SREK1IP1: variants seen among roughly 807,000 people sequenced by gnomAD.
SREK1IP1 encodes the protein protein SREK1IP1.
Under a neutral mutation model 22.8 loss-of-function variants are expected in SREK1IP1, and 12 were observed. The ratio of observed to expected loss-of-function variants is 0.53; its 90% CI spans 0.34 to 0.85. SREK1IP1 has a LOEUF of 0.85. Among genes scored for constraint, SREK1IP1 ranks in the 40% least tolerant of loss-of-function variants. The pLI is 0.02. For missense variants in SREK1IP1, 147 were observed against 171.8 expected (o/e 0.86, Z 0.81); for synonymous variants, 53 against 52.7 (o/e 1.01, Z -0.02).
At chr5:64,744,698 AT>A (rs1295103226) in intron 2 of SREK1IP1, among the ~76,000 whole-genome samples, 2 of 152,118 alleles carry the variant, frequency 1.3e-5, no homozygotes, top group Non-Finnish European at 2.9e-5. Flanking sequence ...GTGTAGTTTT[AT>A]TAATCACAAC....
intron 1 of SREK1IP1, among the ~76,000 whole-genome samples, chr5:64,759,585 G>A (rs1742909713): frequency 6.6e-6 from 1 of 152,132 alleles, no homozygotes; most frequent in Non-Finnish European, 1.5e-5. Flanking sequence ...GTGGAAACTT[G>A]AGGAAAAAAT....
rs756687816 is a variant in SREK1IP1 at position 64,719,284 on chromosome 5, C to T, written c.*5100G>A. The T allele has an allele frequency of 1.1e-4, 17 of 152,166 alleles. No individual in the cohort carries two copies. Among genetic ancestry groups the T allele is most frequent in the Non-Finnish European group, 4.4e-5 (3 of 68,020 alleles). 9.4% of individuals were successfully genotyped at this position (152,166 alleles called of 1,614,324 possible). On this transcript the variant is annotated 3_prime_UTR_variant, in exon 5 of 5. Coordinates refer to ENST00000513458, the MANE Select transcript of SREK1IP1 (RefSeq NM_173829.4). ...AGTGCCAGATCACTATTGCAACAAC[C>T]TACTGCCAAAGTTGAACTTCACATT...
intron 1 of SREK1IP1, among the ~76,000 whole-genome samples, chr5:64,767,839 T>C (rs766492111): frequency 1.3e-5 from 2 of 152,232 alleles, no homozygotes; most frequent in African/African-American, 2.4e-5. Flanking sequence ...TTTCCGCTAC[T>C]AGAACTTCCA....
intron 3 of SREK1IP1, among the ~76,000 whole-genome samples, chr5:64,729,535 GA>G (rs1424222419): frequency 2.6e-5 from 4 of 152,174 alleles, no homozygotes; most frequent in Admixed American, 1.3e-4. Context: ...AGGTAAGCAG[GA>G]ACTTGCTTAT....
intron 3 of SREK1IP1, among the ~76,000 whole-genome samples, chr5:64,740,847 G>T (rs1280935562): frequency 2.6e-5 from 4 of 152,096 alleles, no homozygotes; most frequent in Non-Finnish European, 2.9e-5. Context: ...AACATAAGCT[G>T]TGTGTCAGAA....
At chr5:64,747,244 T>G (rs1311911741) in intron 2 of SREK1IP1, among the ~76,000 whole-genome samples, 1 of 152,166 alleles carries the variant, frequency 6.6e-6, no homozygotes, top group Non-Finnish European at 1.5e-5. Flanking sequence ...CTCCTCATCC[T>G]TCTCCCCTTT....
rs1243211737 is a variant in SREK1IP1, at chr5:64,718,542, T to A, written c.*5842A>T. 1 of 152,098 alleles carries A rather than the reference T, an allele frequency of 6.6e-6. No homozygotes were observed. Among genetic ancestry groups the A allele is most frequent in the Non-Finnish European group, 1.5e-5 (1 of 67,986 alleles). The allele number at this position is 152,098 out of a possible 1,614,324, so 9.4% of individuals were successfully genotyped here. On this transcript the variant is annotated 3_prime_UTR_variant, in exon 5 of 5. Transcript: ENST00000513458. ...GTAACAAAAAAATCACAATGTATAA[T>A]CTGTACAATAAATATTTTGTTTCAA...
chr5:64,755,853 A>G (rs931528731), intron 1 of SREK1IP1, among the ~76,000 whole-genome samples: 2 of 151,952 alleles, frequency 1.3e-5, no homozygotes, highest in African/African-American at 2.4e-5. Flanking sequence ...GTATATATAT[A>G]CACACACATA....
chr5:64,725,727 T>A (rs1157856889), intron 4 of SREK1IP1, among the ~76,000 whole-genome samples: 1 of 152,162 alleles, frequency 6.6e-6, no homozygotes, highest in Non-Finnish European at 1.5e-5. Context: ...TCAGTTGTTA[T>A]TCTCAAATCT....
intron 1 of SREK1IP1, among the ~76,000 whole-genome samples, chr5:64,765,969 T>C (rs371259991): frequency 6.6e-6 from 1 of 152,234 alleles, no homozygotes; most frequent in Admixed American, 6.5e-5. Context: ...TAAAGATCAC[T>C]AGAGCTGACT....
chr5:64,755,219 CAAA>C (rs138859399), intron 1 of SREK1IP1, among the ~76,000 whole-genome samples: 1 of 142,852 alleles, frequency 7.0e-6, no homozygotes, highest in African/African-American at 2.5e-5. Flanking sequence ...GGTATATATC[CAAA>C]AAAAAAAAAA....
intron 1 of SREK1IP1, among the ~76,000 whole-genome samples, chr5:64,759,151 G>C (rs1240385051): frequency 6.6e-6 from 1 of 152,208 alleles, no homozygotes; most frequent in Non-Finnish European, 1.5e-5. Flanking sequence ...TTGGATATGG[G>C]TTCCCTGGGT....
chr5:64,761,676 C>T (rs965652331), intron 1 of SREK1IP1, among the ~76,000 whole-genome samples: 2 of 152,150 alleles, frequency 1.3e-5, no homozygotes, highest in Non-Finnish European at 2.9e-5. Flanking sequence ...CAGTTATTGA[C>T]CAAAACATCA....
rs1016831733 is a variant in SREK1IP1 at position 64,743,656 on chromosome 5, G to A, written c.62-2456C>T. Reference sequence around the variant, plus strand: ...AGACATCTCTGTGGGCATGCACCAGGTTTTCTCTAGGGTAGATTTGTCAAT... The same window carrying A: ...AGACATCTCTGTGGGCATGCACCAGATTTTCTCTAGGGTAGATTTGTCAAT... On this transcript the variant is annotated intron_variant, in intron 2 of 4. Transcript: ENST00000513458. Among the ~76,000 whole-genome samples the A allele has an allele frequency of 3.9e-5, 6 of 152,176 alleles. No individual in the cohort carries two copies. In the East Asian group the frequency reaches 9.6e-4, roughly 24 times the overall value.
chr5:64,758,195 G>T (rs918542971), intron 1 of SREK1IP1, among the ~76,000 whole-genome samples: 18 of 151,696 alleles, frequency 1.2e-4, no homozygotes, highest in African/African-American at 4.4e-4. Context: ...TTGAGACTGA[G>T]TCTTGCTCTA....
chr5:64,748,312 T>A (rs888671582), intron 2 of SREK1IP1, among the ~76,000 whole-genome samples: 4 of 151,636 alleles, frequency 2.6e-5, no homozygotes, highest in African/African-American at 9.7e-5. Flanking sequence ...CAGGGATAGG[T>A]TAATAAGGGC....
At chr5:64,746,885 C>G (rs1328705931) in intron 2 of SREK1IP1, among the ~76,000 whole-genome samples, 2 of 152,198 alleles carry the variant, frequency 1.3e-5, no homozygotes, top group African/African-American at 2.4e-5. Flanking sequence ...GACCAGCCAG[C>G]TTTATAAGGT....
chr5:64,724,318 C>G lies in SREK1IP1; in HGVS notation c.*66G>C. The G allele has an allele frequency of 7.2e-7, 1 of 1,389,758 alleles. No individual in the cohort carries two copies. The highest frequency in any genetic ancestry group is 9.7e-7 in the Non-Finnish European group (1 of 1,032,922). 86.1% of individuals were successfully genotyped at this position (1,389,758 alleles called of 1,614,324 possible). A position where few individuals can be genotyped will look rare whatever the true frequency, so the allele number is the denominator to read the frequency against. ...TGCAAAGCATAATATATAGCAAATT[C>G]CAAGGAAGGGCAAACACGTTTTAAA... On this transcript the variant is annotated 3_prime_UTR_variant, in exon 5 of 5. Transcript: ENST00000513458.
chr5:64,725,807 C>T (rs1382093449), intron 4 of SREK1IP1, among the ~76,000 whole-genome samples: 1 of 151,306 alleles, frequency 6.6e-6, no homozygotes, highest in East Asian at 1.9e-4. Context: ...TTCTTCCCTG[C>T]CTGCACTTTT....
Sources: allele counts gnomAD v4.1 joint callset (sites outside exome capture counted in the v4.1 genomes callset), GRCh38; gene constraint gnomAD v4.1.1; transcripts MANE v1.5; gene names NCBI Gene and HGNC (gene_info 2026-07-23, HGNC 2026-07-21).